Variants in TOP1 observed in about 807,000 individuals in gnomAD.
The protein encoded by TOP1 is DNA topoisomerase 1.
Under a neutral mutation model 111.1 loss-of-function variants are expected in TOP1, and 10 were observed. The ratio of observed to expected loss-of-function variants is 0.09; its 90% confidence interval spans 0.06 to 0.15. TOP1 has a LOEUF of 0.15. Ranked by LOEUF, TOP1 falls within the 10% of genes least tolerant of loss-of-function variation. The pLI, the probability that TOP1 is intolerant of heterozygous loss-of-function variation, is 1.00. For synonymous variants in TOP1, 271 were observed against 302.9 expected, an observed-to-expected ratio of 0.89 and a Z score of 1.10; for missense variants, 474 against 926.7, an observed-to-expected ratio of 0.51 and a Z score of 6.34.
chr20:41,093,922 G>C (rs1474935875), intron 9 of TOP1, among the ~76,000 whole-genome samples: 1 of 152,146 alleles, frequency 6.6e-6, no homozygotes, highest in Non-Finnish European at 1.5e-5. Flanking sequence ...GTGTGGTGGT[G>C]CACGCCTGTA....
In TOP1 at chr20:41,102,645, G is replaced by A. The variant is rs1159286065; in HGVS notation, c.1308+1292G>A. Among the ~76,000 whole-genome samples, 1 of 152,138 alleles carries A rather than the reference G, an allele frequency of 6.6e-6. No individual in the cohort carries two copies. The highest frequency in any genetic ancestry group is 2.4e-5 in the African/African-American group (1 of 41,422). On this transcript the variant is annotated intron_variant, in intron 13 of 20. Transcript: ENST00000361337. This position sits in a 1 kb window ranked among gnomAD's most constrained non-coding sequence, Gnocchi z 4.0. ...CTAAATACATAAATAAAAATAAAAT[G>A]TAGTTTTTGTAGTTTAGATAAGTAC...
rs766711293 is a variant in TOP1 at position 41,121,831 on chromosome 20, A to G, written c.2045+41A>G. The G allele has an allele frequency of 1.3e-6, 2 of 1,598,242 alleles. No individual in the cohort carries two copies. The highest frequency in any genetic ancestry group is 8.6e-7 in the Non-Finnish European group (1 of 1,165,632). ...TGTGAAAGTTGGGGCTGGTAGAGAA[A>G]AGTGTGCAGCATCTGTCAGGGCCCC... is the stretch of plus-strand genomic sequence containing the variant. On this transcript the variant is annotated intron_variant, in intron 19 of 20. Coordinates refer to ENST00000361337, the MANE Select transcript of TOP1 (RefSeq NM_003286.4). This position sits in a 1 kb window ranked among gnomAD's most constrained non-coding sequence, Gnocchi z 4.2.
At chr20:41,037,358 A>G (rs978757783) in intron 2 of TOP1, among the ~76,000 whole-genome samples, 6 of 152,206 alleles carry the variant, frequency 3.9e-5, no homozygotes, top group African/African-American at 9.7e-5. Context: ...ACAAAATTCA[A>G]TATGTCTTGT....
chr20:41,103,530 A>T (rs1282730088), intron 13 of TOP1, among the ~76,000 whole-genome samples: 1 of 152,212 alleles, frequency 6.6e-6, no homozygotes, highest in East Asian at 1.9e-4. Flanking sequence ...ATGAACTGTT[A>T]TAAATGCTGC....
Position 41,112,371 on chromosome 20 carries a change from A to T in TOP1, c.1309-411A>T, listed in dbSNP as rs945529406. Among the ~76,000 whole-genome samples the T allele has an allele frequency of 6.6e-6, 1 of 152,238 alleles. No individual in the cohort carries two copies. Among genetic ancestry groups the T allele is most frequent in the Non-Finnish European group, 1.5e-5 (1 of 68,046 alleles). Reference sequence around the variant, plus strand: ...CAGAAGTTAGTTTTTGGGACATCCCATGTGGGTTTTTCCCAGGAACATAAA... The same window carrying T: ...CAGAAGTTAGTTTTTGGGACATCCCTTGTGGGTTTTTCCCAGGAACATAAA... On this transcript the variant is annotated intron_variant, in intron 13 of 20. Transcript: ENST00000361337. The surrounding 1 kb of genome is among the most constrained non-coding windows in gnomAD (Gnocchi z 5.8).
At chr20:41,040,231 A>G (rs1374232192) in intron 2 of TOP1, among the ~76,000 whole-genome samples, 1 of 152,256 alleles carries the variant, frequency 6.6e-6, no homozygotes, top group East Asian at 1.9e-4. Context: ...AAAGCTCTTC[A>G]GAGAAAGATG....
At chr20:41,047,048 G>A (rs2033343514) in intron 2 of TOP1, among the ~76,000 whole-genome samples, 1 of 152,216 alleles carries the variant, frequency 6.6e-6, no homozygotes, top group Admixed American at 6.5e-5. Flanking sequence ...GACGGGAGTT[G>A]TAGGTAAGTC....
intron 8 of TOP1, among the ~76,000 whole-genome samples, chr20:41,087,951 C>T (rs1270099843): frequency 2.6e-5 from 4 of 151,930 alleles, no homozygotes; most frequent in Admixed American, 6.6e-5. Context: ...TTTTAAATTG[C>T]GGGGGGCGGA....
At chr20:41,086,956 T>C (rs1481189701) in intron 8 of TOP1, among the ~76,000 whole-genome samples, 4 of 152,196 alleles carry the variant, frequency 2.6e-5, no homozygotes, top group Non-Finnish European at 5.9e-5. Context: ...AGTTATCCAG[T>C]CCTCAGTGAC....
intron 2 of TOP1, among the ~76,000 whole-genome samples, chr20:41,031,849 AGAAG>A (rs1295120193): frequency 3.3e-5 from 5 of 151,716 alleles, no homozygotes; most frequent in African/African-American, 1.2e-4. Flanking sequence ...GAAAAAGGAG[AGAAG>A]GAAGGATTTG....
Position 41,102,705 on chromosome 20 carries a change from T to C in TOP1, c.1308+1352T>C, listed in dbSNP as rs1347215565. Reference sequence around the variant, plus strand: ...AAGCGAACACTTATGTTGAGCAGACTAGTCATTTAAAGAAACATGTATTCC... The same window carrying C: ...AAGCGAACACTTATGTTGAGCAGACCAGTCATTTAAAGAAACATGTATTCC... On this transcript the variant is annotated intron_variant, in intron 13 of 20. Coordinates refer to ENST00000361337, the MANE Select transcript of TOP1 (RefSeq NM_003286.4). This position sits in a 1 kb window ranked among gnomAD's most constrained non-coding sequence, Gnocchi z 4.0. Among the ~76,000 whole-genome samples the C allele has an allele frequency of 1.3e-5, 2 of 152,192 alleles. No individual in the cohort carries two copies. The highest frequency in any genetic ancestry group is 2.9e-5 in the Non-Finnish European group (2 of 68,038).
In TOP1 at chr20:41,029,489, C is replaced by G; in HGVS notation, c.58+34C>G. 2 of 1,547,792 alleles carry G rather than the reference C, an allele frequency of 1.3e-6. No individual in the cohort carries two copies. Among genetic ancestry groups the G allele is most frequent in the Middle Eastern group, 1.7e-4 (1 of 5,888 alleles). On this transcript the variant is annotated intron_variant, in intron 2 of 20. Transcript: ENST00000361337. This position sits in a 1 kb window ranked among gnomAD's most constrained non-coding sequence, Gnocchi z 6.1. ...GCCCCCTGCGCCGACTCCGGGGCCC[C>G]CCAGCCGCCGGCCGCCTCCCCCGCG...
chr20:41,065,018 C>T (rs564702282), intron 3 of TOP1, among the ~76,000 whole-genome samples: 1 of 152,148 alleles, frequency 6.6e-6, no homozygotes, highest in Non-Finnish European at 1.5e-5. Flanking sequence ...GATTCTCCTG[C>T]CTCTGCCTCC....
Position 41,095,108 on chromosome 20 carries a change from G to A in TOP1, c.731-2112G>A, listed in dbSNP as rs994262646. On this transcript the variant is annotated intron_variant, in intron 9 of 20. Transcript: ENST00000361337. This position sits in a 1 kb window ranked among gnomAD's most constrained non-coding sequence, Gnocchi z 4.6. ...ACTCTGTCACCCAGGCTGGAGTGCA[G>A]TGGCACAATCTTGGCTCACTGCAGC... Among the ~76,000 whole-genome samples the A allele has an allele frequency of 2.0e-5, 3 of 152,124 alleles. No homozygotes were observed. Among genetic ancestry groups the A allele is most frequent in the African/African-American group, 7.2e-5 (3 of 41,408 alleles).
Position 41,094,567 on chromosome 20 carries a change from GTCC to G in TOP1, c.730+1985_730+1987del, listed in dbSNP as rs1404147625. Among the ~76,000 whole-genome samples the G allele has an allele frequency of 6.6e-6, 1 of 152,282 alleles. No individual in the cohort carries two copies. Among genetic ancestry groups the G allele is most frequent in the South Asian group, 2.1e-4 (1 of 4,814 alleles). ...AGTCCTTTCCTCCCATTCTTGCCCAGTCCTCCTTTACAGGATCCTGCTTTAGGG... is the reference window on the plus strand; with the variant it reads ...AGTCCTTTCCTCCCATTCTTGCCCAGTCCTTTACAGGATCCTGCTTTAGGG... On this transcript the variant is annotated intron_variant, in intron 9 of 20. Transcript: ENST00000361337. The surrounding 1 kb of genome is among the most constrained non-coding windows in gnomAD (Gnocchi z 4.4).
In TOP1 at chr20:41,098,391, TTTAAC is replaced by T; in HGVS notation, c.975+57_975+61del. 2.5e-6 allele frequency: 4 copies of T among 1,575,192 alleles called. No individual in the cohort carries two copies. Among genetic ancestry groups the T allele is most frequent in the Non-Finnish European group, 3.5e-6 (4 of 1,155,178 alleles). On this transcript the variant is annotated intron_variant, in intron 11 of 20. Transcript: ENST00000361337. The surrounding 1 kb of genome is among the most constrained non-coding windows in gnomAD (Gnocchi z 5.7). ...GAATTCTGGAATTGTGATTGGTTCA[TTTAAC>T]TTTCTTCTTGGTTCTTATGACACAA...
At chr20:41,045,905 G>C (rs2033327649) in intron 2 of TOP1, among the ~76,000 whole-genome samples, 1 of 152,136 alleles carries the variant, frequency 6.6e-6, no homozygotes, top group Non-Finnish European at 1.5e-5. Context: ...GACCAGTGTA[G>C]GCTGCATCTT....
intron 2 of TOP1, among the ~76,000 whole-genome samples, chr20:41,056,406 TA>T (rs1231402474): frequency 2.0e-5 from 3 of 152,174 alleles, no homozygotes; most frequent in Non-Finnish European, 2.9e-5. Flanking sequence ...TACAATATAA[TA>T]GTCATTAAGA....
At chr20:41,113,078 CTT>C (rs1392747088) in intron 14 of TOP1, among the ~76,000 whole-genome samples, 153 bp downstream of exon 14, 21 of 152,194 alleles carry the variant, frequency 1.4e-4, no homozygotes, top group Admixed American at 2.6e-4. Context: ...CAAAACAATG[CTT>C]AGCCTTACTG....
Sources: gnomAD v4.1 joint callset for allele counts (sites outside exome capture counted in the v4.1 genomes callset) on GRCh38, gnomAD v4.1.1 for gene constraint, Gnocchi (gnomAD v3.1) non-coding constraint, MANE v1.5 for transcripts, NCBI Gene and HGNC (gene_info 2026-07-23, HGNC 2026-07-21) for gene names.